Variants in SUMF1 observed in about 807,000 individuals in gnomAD.
SUMF1 encodes sulfatase modifying factor 1.
SUMF1 carries 48 observed loss-of-function variants against 47.6 expected under a neutral mutation model. The ratio of observed to expected loss-of-function variants is 1.01; its 90% CI spans 0.80 to 1.28. The LOEUF is 1.28. SUMF1 is among the 50% of genes most tolerant of loss of function. SUMF1 has a pLI of 0.00. For synonymous variants in SUMF1, 230 were observed against 192.1 expected, an observed-to-expected ratio of 1.20 and a Z score of -1.63; for missense variants, 571 against 485.4, an observed-to-expected ratio of 1.18 and a Z score of -1.66.
At chr3:4,040,373 C>T (rs1694887546) in intron 9 of SUMF1, among the ~76,000 whole-genome samples, 1 of 152,152 alleles carries the variant, frequency 6.6e-6, no homozygotes, top group African/African-American at 2.4e-5. Context: ...GGTCACTCTT[C>T]ATAATTTATT....
At chr3:4,392,685 C>T (rs1700912546) in intron 7 of SUMF1, among the ~76,000 whole-genome samples, 1 of 150,542 alleles carries the variant, frequency 6.6e-6, no homozygotes, top group African/African-American at 2.4e-5. Flanking sequence ...AGAGAGAGCA[C>T]ATGTATATGT....
At chr3:4,164,694 C>T (rs768976057) in intron 8 of SUMF1, among the ~76,000 whole-genome samples, 71 of 152,240 alleles carry the variant, frequency 4.7e-4, no homozygotes, top group Middle Eastern at 3.4e-3. Flanking sequence ...TTGCCTGCTC[C>T]TCTTGGTCCC....
chr3:4,187,307 T>G (rs1026814668), intron 8 of SUMF1, among the ~76,000 whole-genome samples: 3 of 152,156 alleles, frequency 2.0e-5, no homozygotes, highest in Non-Finnish European at 4.4e-5. Flanking sequence ...AGCTTGAGGT[T>G]GCAGTGAGCT....
intron 9 of SUMF1, among the ~76,000 whole-genome samples, chr3:4,048,734 G>C (rs1695051195): frequency 6.6e-6 from 1 of 152,088 alleles, no homozygotes; most frequent in African/African-American, 2.4e-5. Context: ...CCTTATACAA[G>C]TATATTTGAA....
chr3:4,075,488 A>G (rs1005456502), intron 8 of SUMF1, among the ~76,000 whole-genome samples: 1 of 152,154 alleles, frequency 6.6e-6, no homozygotes, highest in Non-Finnish European at 1.5e-5. Flanking sequence ...AGTTCTGGCC[A>G]GGGCAATTAG....
chr3:4,086,415 A>T (rs1282585381), intron 8 of SUMF1, among the ~76,000 whole-genome samples: 1 of 152,036 alleles, frequency 6.6e-6, no homozygotes, highest in Admixed American at 6.6e-5. Context: ...GTTAGATAAT[A>T]TTTACAATAT....
chr3:4,413,260 C>G (rs1390484137), intron 6 of SUMF1, among the ~76,000 whole-genome samples: 1 of 152,128 alleles, frequency 6.6e-6, no homozygotes, highest in Non-Finnish European at 1.5e-5. Flanking sequence ...CTTGTCTCAG[C>G]CTTCCGAAGT....
chr3:4,111,664 AG>A (rs1166372247), intron 8 of SUMF1, among the ~76,000 whole-genome samples: 2 of 151,968 alleles, frequency 1.3e-5, no homozygotes, highest in Non-Finnish European at 2.9e-5. Flanking sequence ...GATTGAACCC[AG>A]GGGGCAGAGG....
intron 8 of SUMF1, among the ~76,000 whole-genome samples, chr3:4,130,999 G>A (rs529075395): frequency 2.0e-5 from 3 of 152,126 alleles, no homozygotes; most frequent in Non-Finnish European, 2.9e-5. Context: ...TCACTGCAGA[G>A]CCCTGTAGGA....
intron 8 of SUMF1, among the ~76,000 whole-genome samples, chr3:4,339,097 C>T (rs1699215572): frequency 1.3e-5 from 2 of 152,328 alleles, no homozygotes; most frequent in South Asian, 2.1e-4. Flanking sequence ...TATCCCACTA[C>T]TCCCTCCTCA....
rs116124551 is a variant in SUMF1, at chr3:4,248,131, G to C, written c.1014+128199C>G. Among the ~76,000 whole-genome samples the C allele has an allele frequency of 1.8e-3, 280 of 152,218 alleles. 2 individuals are homozygous for C. Among genetic ancestry groups the C allele is most frequent in the African/African-American group, 6.4e-3 (266 of 41,536 alleles). ...TTTAAAGATTAACTGATATATTTTT[G>C]TCCTGGGTAAGTCTCATTGCCCAGT... On this transcript the variant is annotated intron_variant and NMD_transcript_variant, in intron 8 of 12. Transcript: ENST00000448413.
chr3:4,314,004 A>G (rs1698534787), intron 8 of SUMF1: 1 of 649,666 alleles, frequency 1.5e-6, no homozygotes, highest in Non-Finnish European at 2.5e-6. Flanking sequence ...TTAATAGGAT[A>G]TAAGCAAAAA....
At chr3:4,132,114 G>T (rs921191816) in intron 8 of SUMF1, among the ~76,000 whole-genome samples, 1 of 152,104 alleles carries the variant, frequency 6.6e-6, no homozygotes, top group African/African-American at 2.4e-5. Context: ...GCAGAGGTTT[G>T]TCCCCACCAG....
At chr3:4,112,408 C>A (rs1186280456) in intron 8 of SUMF1, among the ~76,000 whole-genome samples, 1 of 152,108 alleles carries the variant, frequency 6.6e-6, no homozygotes, top group East Asian at 1.9e-4. Context: ...AAAGAGTTAG[C>A]TTGTGCCAAG....
At chr3:4,407,621 G>C (rs1701416049) in intron 7 of SUMF1, among the ~76,000 whole-genome samples, 1 of 152,196 alleles carries the variant, frequency 6.6e-6, no homozygotes, top group Non-Finnish European at 1.5e-5. Flanking sequence ...GAGATACACA[G>C]TCCATTAGGG....
chr3:4,100,238 C>A (rs545444944), intron 8 of SUMF1, among the ~76,000 whole-genome samples: 2 of 151,794 alleles, frequency 1.3e-5, no homozygotes, highest in African/African-American at 4.8e-5. Flanking sequence ...CCAAAGCAAT[C>A]GTGACCAAAA....
At chr3:4,292,879 G>A (rs1474871416) in intron 8 of SUMF1, among the ~76,000 whole-genome samples, 2 of 152,082 alleles carry the variant, frequency 1.3e-5, no homozygotes, top group Non-Finnish European at 2.9e-5. Flanking sequence ...AGTGAGAAGT[G>A]GTTTCCTGTG....
chr3:4,217,496 C>A (rs1695951908), intron 8 of SUMF1, among the ~76,000 whole-genome samples: 1 of 64,638 alleles, frequency 1.5e-5, no homozygotes, highest in Non-Finnish European at 3.1e-5. Flanking sequence ...ACATGTATCC[C>A]AGAACTTAAA....
intron 7 of SUMF1, among the ~76,000 whole-genome samples, chr3:4,404,173 C>A (rs957567404): frequency 6.6e-6 from 1 of 152,170 alleles, no homozygotes; most frequent in Non-Finnish European, 1.5e-5. Context: ...AACCTTGCAA[C>A]TGATCCACAG....
Sources: gnomAD v4.1 joint callset for allele counts (sites outside exome capture counted in the v4.1 genomes callset) on GRCh38, gnomAD v4.1.1 for gene constraint, MANE v1.5 for transcripts, NCBI Gene and HGNC (gene_info 2026-07-23, HGNC 2026-07-21) for gene names.